ARPP19: variants seen among roughly 807,000 people sequenced by gnomAD.
ARPP19 encodes the protein cAMP regulated phosphoprotein 19.
A neutral mutation model predicts 12.0 loss-of-function variants in ARPP19; 8 were observed. The ratio of observed to expected loss-of-function variants is 0.67; its 90% CI spans 0.39 to 1.21. The LOEUF is 1.21. ARPP19 is among the 50% of genes most tolerant of loss of function. The pLI is 0.01. For missense variants in ARPP19, 102 were observed against 136.3 expected, an observed-to-expected ratio of 0.75 and a Z score of 1.25; for synonymous variants, 47 against 50.4, an observed-to-expected ratio of 0.93 and a Z score of 0.29.
chr15:52,561,020 G>A (rs2078027510), intron 1 of ARPP19, among the ~76,000 whole-genome samples: 1 of 152,158 alleles, frequency 6.6e-6, no homozygotes. Flanking sequence ...CTAATAATTT[G>A]TAACCTTATT....
At chr15:52,568,656 G>A (rs892330493) in intron 1 of ARPP19, 192 bp downstream of exon 1, 1 of 481,760 alleles carries the variant, frequency 2.1e-6, no homozygotes. Context: ...GAGTAAACGC[G>A]GGGCACGTTG....
rs1595857416 is a variant in ARPP19 at position 52,547,333 on chromosome 15, T to C, written c.*4601A>G. On this transcript the variant is annotated 3_prime_UTR_variant, in exon 3 of 3. Coordinates refer to ENST00000249822, the MANE Select transcript of ARPP19 (RefSeq NM_006628.6). ...GCATTAACTGCCAACTCTATAGACATGTTTTAACAAAAAGCAAAACAAAAC... is the reference window on the plus strand; with the variant it reads ...GCATTAACTGCCAACTCTATAGACACGTTTTAACAAAAAGCAAAACAAAAC... The C allele has an allele frequency of 8.1e-6, 1 of 123,740 alleles. No individual in the cohort carries two copies. Among genetic ancestry groups the C allele is most frequent in the Non-Finnish European group, 1.9e-5 (1 of 52,372 alleles). 7.7% of individuals were successfully genotyped at this position (123,740 alleles called of 1,614,324 possible).
At position 52,547,613 on chromosome 15, in the gene ARPP19, A is replaced by G. The variant is rs576101111; in HGVS notation, c.*4321T>C. ...GGTTGAAACTTAGTAAAACCGTATT[A>G]AAGTCAGTGTTTTTATTCTTAGATT... On this transcript the variant is annotated 3_prime_UTR_variant, in exon 3 of 3. Coordinates refer to ENST00000249822, the MANE Select transcript of ARPP19 (RefSeq NM_006628.6). 7.2e-5 allele frequency: 11 copies of G among 152,372 alleles called. No individual in the cohort carries two copies. The East Asian group carries it at 2.1e-3, about 29-fold the overall frequency. The allele number at this position is 152,372 out of a possible 1,614,324, so 9.4% of individuals were successfully genotyped here.
At chr15:52,553,132 G>A (rs1212666639) in intron 2 of ARPP19, among the ~76,000 whole-genome samples, 1 of 152,120 alleles carries the variant, frequency 6.6e-6, no homozygotes, top group Non-Finnish European at 1.5e-5. Context: ...ATTATTTACA[G>A]TTCCTGGTAT....
At chr15:52,567,497 T>G (rs1282336341) in intron 1 of ARPP19, among the ~76,000 whole-genome samples, 1 of 152,202 alleles carries the variant, frequency 6.6e-6, no homozygotes, top group African/African-American at 2.4e-5. Context: ...ACTTGTTATT[T>G]TTGGGGGCTC....
At chr15:52,560,062 AG>A (rs2078017893) in intron 1 of ARPP19, among the ~76,000 whole-genome samples, 1 of 152,206 alleles carries the variant, frequency 6.6e-6, no homozygotes, top group Non-Finnish European at 1.5e-5. Context: ...AAATTTTTAA[AG>A]GAAAATTGTA....
chr15:52,553,596 C>G (rs2077955297), intron 2 of ARPP19, among the ~76,000 whole-genome samples: 2 of 152,304 alleles, frequency 1.3e-5, no homozygotes, highest in East Asian at 3.9e-4. Context: ...GCCTTAAGCA[C>G]ACACAGTGCT....
rs369014666 is a variant in ARPP19 at position 52,552,019 on chromosome 15, G to A, written c.254C>T (p.Thr85Met). Reference protein sequence around the residue: ...KQLPTAAPDKTEVTGDHIPTP... With the variant: ...KQLPTAAPDKMEVTGDHIPTP... ...GGGAATGTGGTCACCAGTGACCTCCGTCTTATCCGGAGCTGCAGTAGGAAG... is the reference window on the plus strand; with the variant it reads ...GGGAATGTGGTCACCAGTGACCTCCATCTTATCCGGAGCTGCAGTAGGAAG... The change falls in exon 3 of 3, where the codon ACG becomes ATG. Residue 85 changes from threonine to methionine, a missense_variant. Thr to Met is a moderately conservative substitution (Grantham distance 81). Transcript: ENST00000249822. The A allele has an allele frequency of 8.1e-6, 13 of 1,609,898 alleles. No individual in the cohort carries two copies. Among genetic ancestry groups the A allele is most frequent in the Admixed American group, 1.7e-5 (1 of 60,012 alleles).
intron 1 of ARPP19, among the ~76,000 whole-genome samples, chr15:52,561,169 T>C (rs544951493): frequency 6.6e-6 from 1 of 152,314 alleles, no homozygotes; most frequent in Non-Finnish European, 1.5e-5. Flanking sequence ...TAGAACACAA[T>C]TTGATGTGAC....
At chr15:52,568,591 A>AT in intron 1 of ARPP19, 1 of 441,086 alleles carries the variant, frequency 2.3e-6, no homozygotes, top group East Asian at 3.9e-5. Flanking sequence ...TCGCGTAAAT[A>AT]TAAGTGACTG....
Position 52,568,898 on chromosome 15 carries a change from T to G in ARPP19, c.-6A>C. On this transcript the variant is annotated 5_prime_UTR_variant, in exon 1 of 3. Transcript: ENST00000249822. ...TCGGGGACTTCCGCAGACATAGTGC[T>G]CCCTCTGCAGACGAGACGCCGGGAA... is the stretch of plus-strand genomic sequence containing the variant. The G allele has an allele frequency of 6.8e-7, 1 of 1,467,130 alleles. No homozygotes were observed. Among genetic ancestry groups the G allele is most frequent in the South Asian group, 1.2e-5 (1 of 85,384 alleles). 90.9% of individuals were successfully genotyped at this position (1,467,130 alleles called of 1,614,324 possible).
chr15:52,569,107 C>T (rs2078117863), upstream of ARPP19: 1 of 547,404 alleles, frequency 1.8e-6, no homozygotes, highest in Non-Finnish European at 3.2e-6. Context: ...GCACCGCACC[C>T]CTACCTACTT....
chr15:52,569,032 A>C, upstream of ARPP19: 1 of 635,912 alleles, frequency 1.6e-6, no homozygotes, highest in South Asian at 1.8e-5. Context: ...CCTTATGACG[A>C]CACGGAGCCG....
intron 1 of ARPP19, among the ~76,000 whole-genome samples, chr15:52,558,784 TA>T (rs201468639): frequency 0.055 from 7,453 of 134,878 alleles, 255 homozygotes; most frequent in African/African-American, 0.099. Flanking sequence ...ATTCATACAT[TA>T]AAAAAAAAAA....
intron 2 of ARPP19, 67 bp from the exon 3 acceptor site, chr15:52,552,171 AC>A: frequency 1.2e-6 from 1 of 867,932 alleles, no homozygotes; most frequent in South Asian, 1.4e-5. Context: ...TGTCGATGCA[AC>A]CCCATACTGT....
At chr15:52,567,047 T>C (rs12439117) in intron 1 of ARPP19, among the ~76,000 whole-genome samples, 7,833 of 152,244 alleles carry the variant, frequency 0.051, 503 homozygotes, top group African/African-American at 0.15. Context: ...TTTTAGGTCA[T>C]CGAACTGATC....
At chr15:52,560,081 A>G (rs1838801235) in intron 1 of ARPP19, among the ~76,000 whole-genome samples, 1 of 152,164 alleles carries the variant, frequency 6.6e-6, no homozygotes, top group Non-Finnish European at 1.5e-5. Context: ...GTATGTAGGT[A>G]GCAACTTACT....
chr15:52,552,824 C>T (rs1187816059), intron 2 of ARPP19, among the ~76,000 whole-genome samples: 3 of 152,108 alleles, frequency 2.0e-5, no homozygotes, highest in African/African-American at 4.8e-5. Context: ...AATCCCAGCA[C>T]TTTGGGAGGC....
At chr15:52,556,388 T>G (rs2077982013) in intron 2 of ARPP19, among the ~76,000 whole-genome samples, 2 of 152,104 alleles carry the variant, frequency 1.3e-5, no homozygotes, top group Non-Finnish European at 2.9e-5. Context: ...AGGACAATAC[T>G]TAGGGAACAA....
Sources: allele counts gnomAD v4.1 joint callset (sites outside exome capture counted in the v4.1 genomes callset), GRCh38; gene constraint gnomAD v4.1.1; transcripts MANE v1.5; gene names NCBI Gene and HGNC (gene_info 2026-07-23, HGNC 2026-07-21).